SEC63: variants seen among roughly 807,000 people sequenced by gnomAD.
SEC63 encodes SEC63 protein translocation regulator.
A neutral mutation model predicts 116.2 loss-of-function variants in SEC63; 56 were observed. That is an observed-to-expected ratio of 0.48 (90% confidence interval 0.39 to 0.60). SEC63 has a LOEUF of 0.60. Ranked by LOEUF, SEC63 falls within the 20% of genes least tolerant of loss-of-function variation. SEC63 has a pLI of 0.00. For missense variants in SEC63, 668 were observed against 900.0 expected, an observed-to-expected ratio of 0.74 and a Z score of 3.30; for synonymous variants, 273 against 294.6, an observed-to-expected ratio of 0.93 and a Z score of 0.75.
chr6:107,910,608 CAT>C (rs1304458982), intron 7 of SEC63, among the ~76,000 whole-genome samples: 2 of 151,976 alleles, frequency 1.3e-5, no homozygotes, highest in East Asian at 1.9e-4. Context: ...ACACACGTGT[CAT>C]ACATATATGC....
intron 4 of SEC63, among the ~76,000 whole-genome samples, chr6:107,917,325 T>A (rs1047974847): frequency 2.6e-5 from 4 of 152,200 alleles, no homozygotes; most frequent in African/African-American, 9.6e-5. Context: ...GGTGCTCAGC[T>A]CTGAAGGCTG....
At chr6:107,950,221 CAAG>C (rs1224226113) in intron 1 of SEC63, among the ~76,000 whole-genome samples, 2 of 152,036 alleles carry the variant, frequency 1.3e-5, no homozygotes, top group Non-Finnish European at 2.9e-5. Context: ...TTCAATACAG[CAAG>C]AAGATATAAC....
At chr6:107,930,774 C>T (rs184475670) in intron 1 of SEC63, among the ~76,000 whole-genome samples, 3 of 152,128 alleles carry the variant, frequency 2.0e-5, no homozygotes, top group Non-Finnish European at 4.4e-5. Flanking sequence ...GCAGGCAGAT[C>T]ACCTGAGGTC....
intron 13 of SEC63, among the ~76,000 whole-genome samples, chr6:107,899,743 G>GA (rs1786955235): frequency 1.3e-5 from 2 of 151,960 alleles, no homozygotes; most frequent in Admixed American, 1.3e-4. Flanking sequence ...GAAAAGAAAA[G>GA]AAAAGGGTAT....
chr6:107,913,496 A>T, intron 4 of SEC63, 69 bp from the exon 5 acceptor site: 1 of 1,061,110 alleles, frequency 9.4e-7, no homozygotes, highest in Non-Finnish European at 1.5e-6. Context: ...CATATAGACA[A>T]ACTCCATTAG....
intron 14 of SEC63, among the ~76,000 whole-genome samples, 196 bp from the exon 15 acceptor site, chr6:107,894,093 T>C (rs1286942485): frequency 6.6e-6 from 1 of 152,218 alleles, no homozygotes; most frequent in Non-Finnish European, 1.5e-5. Context: ...GTATCTCACA[T>C]CTGTCTTGAA....
intron 10 of SEC63, among the ~76,000 whole-genome samples, chr6:107,906,006 ACCCAAATCTCATGTTGAATGGTAATC>A (rs1471158585): frequency 3.3e-5 from 5 of 152,150 alleles, no homozygotes; most frequent in African/African-American, 4.8e-5. Context: ...CTGTGTCCCC[ACCCAAATCTCATGTTGAATGGTAATC>A]CCCAATGCTG....
At chr6:107,901,253 A>G in intron 13 of SEC63, 117 bp downstream of exon 13, 1 of 1,036,106 alleles carries the variant, frequency 9.7e-7, no homozygotes, top group Non-Finnish European at 1.5e-6. Context: ...ACAGTTCTGC[A>G]AAGTCTAATA....
chr6:107,915,640 A>T (rs1340385879), intron 4 of SEC63, among the ~76,000 whole-genome samples: 1 of 152,154 alleles, frequency 6.6e-6, no homozygotes, highest in Non-Finnish European at 1.5e-5. Flanking sequence ...CTGATTAAAA[A>T]AAAAATGAAA....
intron 14 of SEC63, among the ~76,000 whole-genome samples, chr6:107,896,483 A>C (rs1285726562): frequency 1.3e-5 from 2 of 152,150 alleles, no homozygotes; most frequent in East Asian, 3.9e-4. Flanking sequence ...AAAAAGATGA[A>C]GGAAATATAT....
chr6:107,929,650 C>A, intron 1 of SEC63, 136 bp from the exon 2 acceptor site: 2 of 616,818 alleles, frequency 3.2e-6, no homozygotes, highest in Non-Finnish European at 5.8e-6. Context: ...ATTCAAATAG[C>A]CTTTAAAAAA....
At chr6:107,949,931 T>A (rs138651486) in intron 1 of SEC63, among the ~76,000 whole-genome samples, 1 of 152,302 alleles carries the variant, frequency 6.6e-6, no homozygotes, top group African/African-American at 2.4e-5. Context: ...ACACTGCACC[T>A]GGCCCTCCTT....
chr6:107,876,742 CTCTT>C (rs1242333252), intron 18 of SEC63, 80 bp from the exon 19 acceptor site: 4 of 950,946 alleles, frequency 4.2e-6, no homozygotes, highest in Non-Finnish European at 6.6e-6. Flanking sequence ...ATTTTGGCCT[CTCTT>C]ATCTTAGAGA....
At chr6:107,930,549 G>A (rs891532876) in intron 1 of SEC63, among the ~76,000 whole-genome samples, 1 of 151,898 alleles carries the variant, frequency 6.6e-6, no homozygotes, top group African/African-American at 2.4e-5. Flanking sequence ...GGAGGTTGCA[G>A]TGAGCCGAGA....
intron 1 of SEC63, chr6:107,957,642 T>C: frequency 3.0e-6 from 1 of 329,820 alleles, no homozygotes; most frequent in Non-Finnish European, 5.4e-6. Flanking sequence ...GCAAGGAGCG[T>C]CCACAACAAT....
intron 13 of SEC63, among the ~76,000 whole-genome samples, chr6:107,899,771 A>G (rs532338162): frequency 1.3e-5 from 2 of 152,342 alleles, no homozygotes; most frequent in South Asian, 2.1e-4. Flanking sequence ...ACAGTTCTTA[A>G]TATCACAAAG....
chr6:107,920,665 G>C (rs943945206), intron 4 of SEC63, among the ~76,000 whole-genome samples: 12 of 152,182 alleles, frequency 7.9e-5, no homozygotes, highest in African/African-American at 2.9e-4. Flanking sequence ...GTCCTCAAAA[G>C]ACAGACAATC....
At chr6:107,889,035 AT>A (rs1166892877) in intron 16 of SEC63, among the ~76,000 whole-genome samples, 1 of 152,218 alleles carries the variant, frequency 6.6e-6, no homozygotes, top group African/African-American at 2.4e-5. Context: ...CATCAGGGAT[AT>A]TCGCCTGAAA....
chr6:107,883,294 A>T, intron 16 of SEC63, 148 bp from the exon 17 acceptor site: 1 of 881,460 alleles, frequency 1.1e-6, no homozygotes, highest in African/African-American at 1.7e-5. Flanking sequence ...AATTATAAAC[A>T]TTCCTACTTA....
Sources: allele counts gnomAD v4.1 joint callset (sites outside exome capture counted in the v4.1 genomes callset), GRCh38; gene constraint gnomAD v4.1.1; transcripts MANE v1.5; gene names NCBI Gene and HGNC (gene_info 2026-07-23, HGNC 2026-07-21).